The following DSCAM variants were observed in gnomAD, a reference collection of about 807,000 sequenced individuals.
The protein encoded by DSCAM is DS cell adhesion molecule.
DSCAM carries 47 observed loss-of-function variants against 217.7 expected under a neutral mutation model. The observed-to-expected ratio is 0.22, with a 90% CI of 0.17 to 0.28. DSCAM has a LOEUF of 0.28. DSCAM is among the 10% of genes least tolerant of loss of function. DSCAM has a pLI of 1.00. For synonymous variants in DSCAM, 1,056 were observed against 1,015.3 expected, an observed-to-expected ratio of 1.04 and a Z score of -0.76; for missense variants, 2,080 against 2,618.3, an observed-to-expected ratio of 0.79 and a Z score of 4.49.
At chr21:40,536,621 T>A (rs183552729) in intron 3 of DSCAM, among the ~76,000 whole-genome samples, 5,662 of 152,258 alleles carry the variant, frequency 0.037, 134 homozygotes, top group Non-Finnish European at 0.051. Context: ...TTAGCCAGGA[T>A]GGTCTCGATC....
At chr21:40,091,746 A>T (rs1435643895) in intron 21 of DSCAM, among the ~76,000 whole-genome samples, 1 of 152,110 alleles carries the variant, frequency 6.6e-6, no homozygotes, top group Non-Finnish European at 1.5e-5. Flanking sequence ...AAGGTGAATG[A>T]GGAGCATAGG....
At chr21:40,258,213 C>T (rs2146972323) in intron 11 of DSCAM, among the ~76,000 whole-genome samples, 1 of 152,266 alleles carries the variant, frequency 6.6e-6, no homozygotes, top group East Asian at 1.9e-4. Context: ...TCTTCCAAAA[C>T]TTCTTCCTGG....
At chr21:40,824,187 T>C (rs1356583826) in intron 1 of DSCAM, among the ~76,000 whole-genome samples, 1 of 152,030 alleles carries the variant, frequency 6.6e-6, no homozygotes, top group African/African-American at 2.4e-5. Context: ...TAGTGGCAGA[T>C]CATCTCACCC....
chr21:40,523,887 G>C (rs552569197), intron 3 of DSCAM, among the ~76,000 whole-genome samples: 1 of 152,110 alleles, frequency 6.6e-6, no homozygotes, highest in Non-Finnish European at 1.5e-5. Context: ...ACCACAGCCT[G>C]CCTGTCTGTA....
chr21:40,023,170 A>G (rs1181698252), intron 32 of DSCAM, among the ~76,000 whole-genome samples: 2 of 151,804 alleles, frequency 1.3e-5, no homozygotes, highest in East Asian at 1.9e-4. Context: ...ATGATTTCCA[A>G]TTTCATCCAT....
chr21:40,039,450 T>TGTCA (rs2088701651), intron 32 of DSCAM, among the ~76,000 whole-genome samples: 1 of 152,182 alleles, frequency 6.6e-6, no homozygotes, highest in South Asian at 2.1e-4. Flanking sequence ...TTGGTTTTGT[T>TGTCA]GTCACAAGCA....
chr21:40,702,221 A>G (rs1484309172), intron 2 of DSCAM, among the ~76,000 whole-genome samples: 1 of 152,156 alleles, frequency 6.6e-6, no homozygotes, highest in Non-Finnish European at 1.5e-5. Context: ...GGGCAGTGAA[A>G]CTGTTCTTTA....
chr21:40,140,937 G>A (rs537842309), intron 18 of DSCAM, among the ~76,000 whole-genome samples: 13 of 91,694 alleles, frequency 1.4e-4, no homozygotes, highest in African/African-American at 3.4e-4. Flanking sequence ...AGGAGGGCGG[G>A]GGGGGGTCCT....
chr21:40,439,056 C>T lies in DSCAM; in HGVS notation c.509-69811G>A, dbSNP rs558960169. On this transcript the variant is annotated intron_variant, in intron 3 of 32. Coordinates refer to ENST00000400454, the MANE Select transcript of DSCAM (RefSeq NM_001389.5). ...CCATTGTCATAGGTGCAAGCAACAT[C>T]CCTGTTTACCACCCATTAGCTGTGC... Among the ~76,000 whole-genome samples the T allele has an allele frequency of 2.6e-5, 4 of 152,212 alleles. No homozygotes were observed. In the South Asian group the frequency reaches 8.3e-4, roughly 32 times the overall value.
intron 32 of DSCAM, among the ~76,000 whole-genome samples, chr21:40,029,925 G>C (rs185205715): frequency 6.6e-6 from 1 of 152,308 alleles, no homozygotes; most frequent in East Asian, 1.9e-4. Context: ...ACTCAGTTTT[G>C]AAATGTTTAT....
chr21:40,023,301 C>T lies in DSCAM; in HGVS notation c.5687-9915G>A, dbSNP rs199830546. Among the ~76,000 whole-genome samples the T allele has an allele frequency of 3.3e-3, 502 of 152,208 alleles. 3 individuals are homozygous for T. Among genetic ancestry groups the T allele is most frequent in the Non-Finnish European group, 4.9e-3 (330 of 68,024 alleles). On this transcript the variant is annotated intron_variant, in intron 32 of 32. Coordinates refer to ENST00000400454, the MANE Select transcript of DSCAM (RefSeq NM_001389.5). ...CATTTGGGTTGGTTCCAAGTCTTTGCTATTGTGAATAATGCCGCAATAAAC... is the reference window on the plus strand; with the variant it reads ...CATTTGGGTTGGTTCCAAGTCTTTGTTATTGTGAATAATGCCGCAATAAAC...
intron 6 of DSCAM, among the ~76,000 whole-genome samples, chr21:40,345,918 T>A (rs1024961454): frequency 6.6e-6 from 1 of 152,228 alleles, no homozygotes; most frequent in South Asian, 2.1e-4. Context: ...GGCCCCCTTT[T>A]TAGTTCAAGT....
chr21:40,512,010 A>AAAAAAAAAAAGAAAAT (rs61560593), intron 3 of DSCAM, among the ~76,000 whole-genome samples: 1 of 106,368 alleles, frequency 9.4e-6, no homozygotes. Context: ...AAAAAAAAAA[A>AAAAAAAAAAAGAAAAT]GTATTCTATT....
chr21:40,670,294 C>A (rs533464740), intron 3 of DSCAM, among the ~76,000 whole-genome samples: 8 of 152,170 alleles, frequency 5.3e-5, no homozygotes, highest in African/African-American at 1.9e-4. Context: ...CTGGTAACCA[C>A]CGTTCTAACT....
chr21:40,642,707 C>A (rs1469547946), intron 3 of DSCAM, among the ~76,000 whole-genome samples: 3 of 152,188 alleles, frequency 2.0e-5, no homozygotes, highest in Admixed American at 1.3e-4. Context: ...CCTAGCCACC[C>A]AAAGTAGCTG....
intron 6 of DSCAM, among the ~76,000 whole-genome samples, chr21:40,340,000 A>G (rs1003142322): frequency 1.3e-5 from 2 of 152,296 alleles, no homozygotes; most frequent in Admixed American, 6.5e-5. Flanking sequence ...CTTTAATTAC[A>G]AATAGTAATT....
At chr21:40,559,384 G>C (rs538668439) in intron 3 of DSCAM, among the ~76,000 whole-genome samples, 1 of 152,000 alleles carries the variant, frequency 6.6e-6, no homozygotes, top group East Asian at 1.9e-4. Context: ...CGTAAACCCG[G>C]GGGGTGGAGC....
At chr21:40,290,507 G>A (rs2073877893) in intron 10 of DSCAM, among the ~76,000 whole-genome samples, 1 of 152,164 alleles carries the variant, frequency 6.6e-6, no homozygotes, top group Non-Finnish European at 1.5e-5. Context: ...TATAGTCCCA[G>A]CTGCTTGGGA....
chr21:40,226,230 T>C (rs182215842), intron 11 of DSCAM, among the ~76,000 whole-genome samples: 10 of 152,274 alleles, frequency 6.6e-5, no homozygotes, highest in Non-Finnish European at 7.4e-5. Context: ...AACTCTGCAA[T>C]AAGGAACATA....
Sources: gnomAD v4.1 joint callset for allele counts (sites outside exome capture counted in the v4.1 genomes callset) on GRCh38, gnomAD v4.1.1 for gene constraint, MANE v1.5 for transcripts, NCBI Gene and HGNC (gene_info 2026-07-23, HGNC 2026-07-21) for gene names.